Variants in SPINK4 observed in about 807,000 individuals in gnomAD.
The protein encoded by SPINK4 is serine protease inhibitor Kazal-type 4.
A neutral mutation model predicts 12.3 loss-of-function variants in SPINK4; 10 were observed. That is an observed-to-expected ratio of 0.81 (90% CI 0.50 to 1.37). The LOEUF (loss-of-function observed/expected upper bound fraction) is 1.37, where lower values mean the gene tolerates loss of function less well. SPINK4 is among the 40% of genes most tolerant of loss of function. SPINK4 has a pLI of 0.00. For synonymous variants in SPINK4, 37 were observed against 40.2 expected (o/e 0.92, Z 0.30); for missense variants, 91 against 109.0 (o/e 0.84, Z 0.73).
chr9:33,245,420 T>G (rs1345970153), intron 2 of SPINK4, among the ~76,000 whole-genome samples: 3 of 152,022 alleles, frequency 2.0e-5, no homozygotes, highest in African/African-American at 7.2e-5. Flanking sequence ...ATCAGTGAGA[T>G]CTCCCCACCC....
chr9:33,242,422 G>A (rs531559803), intron 1 of SPINK4, among the ~76,000 whole-genome samples: 169 of 146,944 alleles, frequency 1.2e-3, no homozygotes, highest in African/African-American at 4.3e-3. Context: ...GGAGAACGGA[G>A]ACGAAGACAT....
intron 1 of SPINK4, among the ~76,000 whole-genome samples, chr9:33,243,060 ATTTATTTTTATTTATTTATTTATTTATT>A (rs1242306313): frequency 1.3e-5 from 2 of 151,638 alleles, no homozygotes; most frequent in Non-Finnish European, 2.9e-5. Context: ...ATTTTTTTAA[ATTTATTTTTATTTATTTATTTATTTATT>A]TTTGAGACGG....
intron 2 of SPINK4, among the ~76,000 whole-genome samples, chr9:33,246,115 A>C (rs949999262): frequency 6.6e-6 from 1 of 152,108 alleles, no homozygotes; most frequent in East Asian, 1.9e-4. Flanking sequence ...GCCTTCGCAC[A>C]CTTTGCAGCC....
chr9:33,241,249 A>C (rs1167962418), intron 1 of SPINK4, among the ~76,000 whole-genome samples: 5 of 152,194 alleles, frequency 3.3e-5, no homozygotes, highest in African/African-American at 9.6e-5. Flanking sequence ...ATAGGAGAGG[A>C]GATGAGAGAG....
intron 3 of SPINK4, 140 bp from the exon 4 acceptor site, chr9:33,248,286 C>G (rs1820305681): frequency 4.0e-6 from 3 of 755,686 alleles, no homozygotes; most frequent in African/African-American, 1.7e-5. Flanking sequence ...GCCCATGGAC[C>G]CTTGGGATCT....
At chr9:33,241,082 G>A in intron 1 of SPINK4, among the ~76,000 whole-genome samples, 1 of 151,722 alleles carries the variant, frequency 6.6e-6, no homozygotes, top group East Asian at 1.9e-4. Context: ...TTTGAGCAAA[G>A]CTTGAAGGAG....
intron 1 of SPINK4, among the ~76,000 whole-genome samples, chr9:33,241,683 G>GTTTGTT (rs76824410): frequency 6.6e-6 from 1 of 151,290 alleles, no homozygotes; most frequent in Non-Finnish European, 1.5e-5. Context: ...GTTTTTGTTT[G>GTTTGTT]TTTGTTTTTG....
chr9:33,247,324 AT>A (rs796700873), intron 3 of SPINK4, among the ~76,000 whole-genome samples: 463 of 139,778 alleles, frequency 3.3e-3, no homozygotes, highest in Middle Eastern at 3.8e-3. Context: ...CACCTGGCTA[AT>A]TTTTTTTTTT....
chr9:33,240,287 G>C lies in SPINK4; in HGVS notation c.61+18G>C. 1 of 1,589,864 alleles carries C rather than the reference G, an allele frequency of 6.3e-7. No individual in the cohort carries two copies. The highest frequency in any genetic ancestry group is 8.6e-7 in the Non-Finnish European group (1 of 1,168,600). ...GGACAGGGGTGAGTGGGCAGAACCTGGATTCTCTGTGGCTTTGTGTTGGTA... is the reference window on the plus strand; with the variant it reads ...GGACAGGGGTGAGTGGGCAGAACCTCGATTCTCTGTGGCTTTGTGTTGGTA... On this transcript the variant is annotated intron_variant, in intron 1 of 3. Coordinates refer to ENST00000379721, the MANE Select transcript of SPINK4 (RefSeq NM_014471.3).
intron 2 of SPINK4, among the ~76,000 whole-genome samples, chr9:33,246,345 C>T (rs192409342): frequency 3.3e-5 from 5 of 152,276 alleles, no homozygotes; most frequent in African/African-American, 9.6e-5. Context: ...CACAGGCATA[C>T]GCTTGAATGC....
chr9:33,244,190 TCA>T (rs1217752482), intron 1 of SPINK4, among the ~76,000 whole-genome samples: 2 of 152,204 alleles, frequency 1.3e-5, no homozygotes, highest in African/African-American at 4.8e-5. Flanking sequence ...GTCAGTCACA[TCA>T]CAGTTTGCTC....
intron 1 of SPINK4, among the ~76,000 whole-genome samples, chr9:33,241,724 C>G (rs991931217): frequency 2.0e-5 from 3 of 152,114 alleles, no homozygotes; most frequent in African/African-American, 7.2e-5. Context: ...CAGACTACTG[C>G]CTGGGCTGAG....
At chr9:33,246,154 A>AGGCCAGGGAGAGTTCAGGAGC (rs1820282670) in intron 2 of SPINK4, among the ~76,000 whole-genome samples, 1 of 152,106 alleles carries the variant, frequency 6.6e-6, no homozygotes, top group Non-Finnish European at 1.5e-5. Flanking sequence ...TAGATCATGC[A>AGGCCAGGGAGAGTTCAGGAGC]GGCCAGGGAG....
At chr9:33,246,433 C>T (rs183724825) in intron 2 of SPINK4, among the ~76,000 whole-genome samples, 183 bp from the exon 3 acceptor site, 5 of 152,274 alleles carry the variant, frequency 3.3e-5, no homozygotes, top group African/African-American at 4.8e-5. Context: ...GTCATGCACA[C>T]GCACATACAA....
At position 33,240,263 on chromosome 9, in the gene SPINK4, G is replaced by C. The variant is rs2117864284; in HGVS notation, c.55G>C (p.Asp19His). Residue 19 changes from aspartate to histidine, a missense_variant, in exon 1 of 4, where the codon GAC (aspartate) becomes CAC (histidine). Asp to His is a moderately conservative substitution (Grantham distance 81). Transcript: ENST00000379721. Reference protein sequence around the residue: ...ALALAALLVVDREVPVAAGKL... With the variant: ...ALALAALLVVHREVPVAAGKL... ...GGCCTTGGCTGCCCTCCTTGTTGTG[G>C]ACAGGGGTGAGTGGGCAGAACCTGG... is the stretch of plus-strand genomic sequence containing the variant. 6.2e-7 allele frequency: 1 copy of C among 1,602,736 alleles called. No individual in the cohort carries two copies. The highest frequency in any genetic ancestry group is 1.1e-5 in the South Asian group (1 of 89,030).
At chr9:33,244,684 C>T (rs192633003) in intron 1 of SPINK4, among the ~76,000 whole-genome samples, 72 of 152,216 alleles carry the variant, frequency 4.7e-4, no homozygotes, top group African/African-American at 1.4e-3. Flanking sequence ...CTCAGACTTG[C>T]GCGAGGGCTC....
chr9:33,246,932 G>A (rs557545566), intron 3 of SPINK4, among the ~76,000 whole-genome samples: 1 of 152,200 alleles, frequency 6.6e-6, no homozygotes, highest in African/African-American at 2.4e-5. Context: ...AGCTGGTGGT[G>A]GATAGGGAGT....
At chr9:33,247,429 A>C (rs1259038004) in intron 3 of SPINK4, among the ~76,000 whole-genome samples, 1 of 151,866 alleles carries the variant, frequency 6.6e-6, no homozygotes, top group Non-Finnish European at 1.5e-5. Context: ...CAGCCTCCCA[A>C]AGTGCTAGGA....
At chr9:33,244,848 C>T (rs706113) in intron 1 of SPINK4, among the ~76,000 whole-genome samples, 54,482 of 152,050 alleles carry the variant, frequency 0.36, 12,601 homozygotes, top group African/African-American at 0.66. Context: ...ATATGGGACA[C>T]AACAATTCCA....
Sources: gnomAD v4.1 joint callset for allele counts (sites outside exome capture counted in the v4.1 genomes callset) on GRCh38, gnomAD v4.1.1 for gene constraint, MANE v1.5 for transcripts, NCBI Gene and HGNC (gene_info 2026-07-23, HGNC 2026-07-21) for gene names.